The following PARD3B variants were observed in gnomAD, a reference collection of about 807,000 sequenced individuals.
PARD3B encodes par-3 family cell polarity regulator beta.
Under a neutral mutation model 130.2 loss-of-function variants are expected in PARD3B, and 103 were observed. The ratio of observed to expected loss-of-function variants is 0.79; its 90% CI spans 0.67 to 0.93. The LOEUF (loss-of-function observed/expected upper bound fraction) is 0.93. PARD3B is among the 40% of genes least tolerant of loss of function. The pLI is 0.00. For missense variants in PARD3B, 1,609 were observed against 1,499.2 expected, an observed-to-expected ratio of 1.07 and a Z score of -1.21; for synonymous variants, 583 against 553.2, an observed-to-expected ratio of 1.05 and a Z score of -0.76.
chr2:204,782,086 G>C (rs1008337822), intron 2 of PARD3B, among the ~76,000 whole-genome samples: 7 of 152,036 alleles, frequency 4.6e-5, no homozygotes, highest in Admixed American at 4.6e-4. Context: ...CAAATTCTGT[G>C]AGCTGAGAGC....
chr2:205,450,310 G>A (rs2106192497), intron 20 of PARD3B, among the ~76,000 whole-genome samples: 1 of 152,138 alleles, frequency 6.6e-6, no homozygotes, highest in East Asian at 1.9e-4. Flanking sequence ...ACCTGTTGGA[G>A]TCCATCTGTT....
At chr2:205,509,611 T>C (rs138784901) in intron 21 of PARD3B, among the ~76,000 whole-genome samples, 1 of 152,264 alleles carries the variant, frequency 6.6e-6, no homozygotes, top group African/African-American at 2.4e-5. Context: ...ATAAAGGTTG[T>C]AGGGATAGTG....
At chr2:205,462,667 G>A (rs751128858) in intron 20 of PARD3B, among the ~76,000 whole-genome samples, 8 of 152,066 alleles carry the variant, frequency 5.3e-5, no homozygotes, top group Non-Finnish European at 7.4e-5. Flanking sequence ...CATGATTTTC[G>A]TTGTGATTTT....
intron 20 of PARD3B, among the ~76,000 whole-genome samples, chr2:205,444,367 T>A (rs555570188): frequency 1.3e-5 from 2 of 152,312 alleles, no homozygotes; most frequent in African/African-American, 4.8e-5. Context: ...GGTGGGAGGA[T>A]GGCTTGAGCC....
At chr2:205,487,909 AT>A (rs2049508042) in intron 20 of PARD3B, among the ~76,000 whole-genome samples, 1 of 152,208 alleles carries the variant, frequency 6.6e-6, no homozygotes, top group Non-Finnish European at 1.5e-5. Context: ...TATTAGTGTT[AT>A]CATTAATTTG....
intron 1 of PARD3B, among the ~76,000 whole-genome samples, chr2:204,563,258 TCTC>T (rs2031457245): frequency 6.8e-6 from 1 of 146,622 alleles, no homozygotes; most frequent in African/African-American, 2.6e-5. Context: ...TCTCTCTCTC[TCTC>T]TCTCTTTCTC....
chr2:204,551,069 C>T (rs1269612004), intron 1 of PARD3B, among the ~76,000 whole-genome samples: 1 of 152,204 alleles, frequency 6.6e-6, no homozygotes, highest in Non-Finnish European at 1.5e-5. Context: ...ATCAGCATTA[C>T]ACATGCTTCC....
chr2:204,694,055 A>G (rs1335553092), intron 2 of PARD3B, among the ~76,000 whole-genome samples: 1 of 152,050 alleles, frequency 6.6e-6, no homozygotes, highest in Non-Finnish European at 1.5e-5. Flanking sequence ...TGGTAAAATG[A>G]GAGTGATAAA....
chr2:204,745,975 T>A (rs2040206610), intron 2 of PARD3B, among the ~76,000 whole-genome samples: 1 of 145,832 alleles, frequency 6.9e-6, no homozygotes, highest in Non-Finnish European at 1.5e-5. Context: ...ATAGCAGGAT[T>A]TTTTTTCTTT....
At chr2:204,551,966 A>C (rs983320156) in intron 1 of PARD3B, among the ~76,000 whole-genome samples, 1 of 152,222 alleles carries the variant, frequency 6.6e-6, no homozygotes, top group Admixed American at 6.5e-5. Context: ...GCATCTTTCA[A>C]GAGGGCAGCC....
At chr2:205,074,807 C>T (rs1433566643) in intron 4 of PARD3B, among the ~76,000 whole-genome samples, 1 of 152,194 alleles carries the variant, frequency 6.6e-6, no homozygotes, top group Admixed American at 6.5e-5. Context: ...AAGCTGCCAG[C>T]TTTCCAATTT....
At chr2:205,248,157 C>T (rs938795045) in intron 16 of PARD3B, among the ~76,000 whole-genome samples, 7 of 151,868 alleles carry the variant, frequency 4.6e-5, no homozygotes, top group African/African-American at 7.3e-5. Context: ...CCCAGGTTAG[C>T]GTCAAACTCT....
In PARD3B at chr2:205,618,760, A is replaced by G. The variant is rs757370617; in HGVS notation, c.*2947A>G. 5 of 152,216 alleles carry G rather than the reference A, an allele frequency of 3.3e-5. No homozygotes were observed. The highest frequency in any genetic ancestry group is 7.3e-5 in the Non-Finnish European group (5 of 68,040). 9.4% of individuals were successfully genotyped at this position (152,216 alleles called of 1,614,324 possible). A position where few individuals can be genotyped will look rare whatever the true frequency, so the allele number is the denominator to read the frequency against. On this transcript the variant is annotated 3_prime_UTR_variant, in exon 23 of 23. Transcript: ENST00000406610. Reference sequence around the variant, plus strand: ...TAGATGCAGGAGAATTGAGACTTCCACAAGGGAGAGAAACACAGCCTCCCC... The same window carrying G: ...TAGATGCAGGAGAATTGAGACTTCCGCAAGGGAGAGAAACACAGCCTCCCC...
intron 2 of PARD3B, among the ~76,000 whole-genome samples, chr2:204,758,811 A>G (rs1395394473): frequency 1.3e-5 from 2 of 152,192 alleles, no homozygotes; most frequent in African/African-American, 2.4e-5. Context: ...CTCCGTGGTT[A>G]TGATTTCTTC....
chr2:205,532,008 C>T (rs749865383), intron 21 of PARD3B, among the ~76,000 whole-genome samples: 8 of 152,014 alleles, frequency 5.3e-5, no homozygotes, highest in South Asian at 2.1e-4. Context: ...GCGTGAACAC[C>T]GCTATTAATC....
chr2:204,777,408 A>G (rs1574958695), intron 2 of PARD3B, among the ~76,000 whole-genome samples: 6 of 152,292 alleles, frequency 3.9e-5, no homozygotes, highest in Admixed American at 3.9e-4. Flanking sequence ...AGAGTAATGA[A>G]AGGAAACATA....
chr2:205,417,173 T>C lies in PARD3B; in HGVS notation c.2741+16050T>C, dbSNP rs184595461. ...CAATTCCCACCTATAAGTGAGAACA[T>C]GTAGTGTTTGGTTTTCTGTCCTTGT... On this transcript the variant is annotated intron_variant, in intron 19 of 22. Coordinates refer to ENST00000406610, the MANE Select transcript of PARD3B (RefSeq NM_001302769.2). Among the ~76,000 whole-genome samples the C allele has an allele frequency of 6.7e-5, 10 of 148,226 alleles. No homozygotes were observed. The East Asian group carries it at 1.4e-3, about 21-fold the overall frequency.
chr2:204,731,564 T>C (rs2039509914), intron 2 of PARD3B, among the ~76,000 whole-genome samples: 1 of 152,170 alleles, frequency 6.6e-6, no homozygotes, highest in African/African-American at 2.4e-5. Flanking sequence ...TCATAAAATA[T>C]CAAGGTGAGA....
chr2:205,497,218 AAG>A (rs1411299862), intron 20 of PARD3B, among the ~76,000 whole-genome samples: 10 of 151,256 alleles, frequency 6.6e-5, no homozygotes, highest in African/African-American at 2.4e-4. Context: ...AAAAAAAAAA[AAG>A]AAAGAAAGGT....
Sources: allele counts gnomAD v4.1 joint callset (sites outside exome capture counted in the v4.1 genomes callset), GRCh38; gene constraint gnomAD v4.1.1; transcripts MANE v1.5; gene names NCBI Gene and HGNC (gene_info 2026-07-23, HGNC 2026-07-21).